The following TCF7L2 variants were observed in gnomAD, a reference collection of about 807,000 sequenced individuals.
TCF7L2 encodes transcription factor 7 like 2, also known as transcription factor 7-like 2.
A neutral mutation model predicts 77.9 loss-of-function variants in TCF7L2; 23 were observed. The ratio of observed to expected loss-of-function variants is 0.30; its 90% CI spans 0.21 to 0.42. The LOEUF (loss-of-function observed/expected upper bound fraction) is 0.42, where lower values mean the gene tolerates loss of function less well. Among genes scored for constraint, TCF7L2 ranks in the 10% least tolerant of loss-of-function variants. The pLI, the probability that TCF7L2 is intolerant of heterozygous loss-of-function variation, is 1.00. For synonymous variants in TCF7L2, 413 were observed against 340.2 expected, an observed-to-expected ratio of 1.21 and a Z score of -2.36; for missense variants, 654 against 793.1, an observed-to-expected ratio of 0.82 and a Z score of 2.11.
intron 5 of TCF7L2, chr10:113,089,577 T>A: frequency 6.2e-7 from 1 of 1,606,594 alleles, no homozygotes; most frequent in Non-Finnish European, 8.5e-7. Flanking sequence ...TGAGATGAGC[T>A]AGCTCTAAAA....
chr10:113,165,450 T>C, intron 13 of TCF7L2, 105 bp from the exon 15 acceptor site: 1 of 1,290,214 alleles, frequency 7.8e-7, no homozygotes, highest in Non-Finnish European at 1.1e-6. Flanking sequence ...GCCACCTCTG[T>C]GGGACATCCC....
intron 13 of TCF7L2, chr10:113,161,734 C>A: frequency 1.0e-6 from 1 of 963,052 alleles, no homozygotes; most frequent in Non-Finnish European, 1.6e-6. Flanking sequence ...CCATTACGTG[C>A]ATGCCCACGA....
chr10:113,129,746 G>T, intron 5 of TCF7L2: 1 of 1,248,862 alleles, frequency 8.0e-7, no homozygotes, highest in African/African-American at 1.6e-5. Flanking sequence ...GGGAAGCTGG[G>T]AGGAAAAAGA....
intron 5 of TCF7L2, among the ~76,000 whole-genome samples, chr10:113,112,803 A>G (rs2136125430): frequency 6.6e-6 from 1 of 152,262 alleles, no homozygotes. Flanking sequence ...GGCAAGCAAT[A>G]TTGTGTTTTA....
intron 5 of TCF7L2, among the ~76,000 whole-genome samples, chr10:113,066,734 A>G (rs1490938795): frequency 2.0e-5 from 3 of 152,192 alleles, no homozygotes; most frequent in Non-Finnish European, 4.4e-5. Flanking sequence ...GACCATACCA[A>G]TCACATTTTA....
At chr10:113,110,816 A>G (rs1449003623) in intron 5 of TCF7L2, among the ~76,000 whole-genome samples, 2 of 152,192 alleles carry the variant, frequency 1.3e-5, no homozygotes, top group Non-Finnish European at 2.9e-5. Context: ...TTCATGAGCA[A>G]TCCCTGAGTG....
intron 5 of TCF7L2, among the ~76,000 whole-genome samples, chr10:113,061,639 G>C (rs142603361): frequency 1.6e-4 from 24 of 152,152 alleles, no homozygotes; most frequent in African/African-American, 4.8e-4. Flanking sequence ...GTGTCACCTA[G>C]GAAATTTGCT....
intron 4 of TCF7L2, among the ~76,000 whole-genome samples, chr10:112,998,863 T>C (rs1398127652): frequency 6.6e-6 from 1 of 152,274 alleles, no homozygotes; most frequent in Non-Finnish European, 1.5e-5. Context: ...TTTGTATTTT[T>C]CTTGGTTATC....
At chr10:113,141,107 C>G (rs139519399) in intron 5 of TCF7L2, 77 bp from the exon 6 acceptor site, 1 of 1,575,166 alleles carries the variant, frequency 6.3e-7, no homozygotes, top group Non-Finnish European at 8.6e-7. Context: ...CCAAGGGAAC[C>G]CACGGGCCCG....
intron 8 of TCF7L2, among the ~76,000 whole-genome samples, chr10:113,150,092 A>ATTT (rs2070412302): frequency 6.6e-6 from 1 of 152,222 alleles, no homozygotes; most frequent in African/African-American, 2.4e-5. Flanking sequence ...ATGCCAATTC[A>ATTT]GGTCCTAAAA....
intron 7 of TCF7L2, among the ~76,000 whole-genome samples, 188 bp downstream of exon 7, chr10:113,144,213 G>A (rs2136943874): frequency 6.6e-6 from 1 of 152,112 alleles, no homozygotes; most frequent in African/African-American, 2.4e-5. Context: ...GAGGTGTCCT[G>A]TGGGAATACA....
intron 5 of TCF7L2, among the ~76,000 whole-genome samples, chr10:113,085,574 G>GC (rs1336768534): frequency 1.3e-5 from 2 of 152,172 alleles, no homozygotes; most frequent in Non-Finnish European, 2.9e-5. Flanking sequence ...GTGGAGTGGG[G>GC]CAGTAAGCTC....
intron 5 of TCF7L2, among the ~76,000 whole-genome samples, chr10:113,115,092 CAG>C: frequency 6.6e-6 from 1 of 152,124 alleles, no homozygotes; most frequent in Middle Eastern, 3.4e-3. Flanking sequence ...GGGTAATACA[CAG>C]ATTAAATGCA....
intron 4 of TCF7L2, among the ~76,000 whole-genome samples, chr10:112,976,699 C>T (rs2039483697): frequency 6.6e-6 from 1 of 152,164 alleles, no homozygotes; most frequent in Admixed American, 6.6e-5. Flanking sequence ...ATAACAGCCC[C>T]TTTTATAATA....
At chr10:113,160,126 G>A (rs2072901640) in intron 12 of TCF7L2, 134 bp downstream of exon 14, 3 of 754,586 alleles carry the variant, frequency 4.0e-6, no homozygotes, top group Non-Finnish European at 6.6e-6. Flanking sequence ...ACACTGCCAA[G>A]TGTATGGGTT....
intron 8 of TCF7L2, among the ~76,000 whole-genome samples, chr10:113,146,515 G>C (rs908242768): frequency 2.0e-5 from 3 of 152,004 alleles, no homozygotes; most frequent in Admixed American, 6.6e-5. Context: ...CAACAAGAAA[G>C]CATCCGCCTC....
chr10:113,089,563 G>T (rs146007799), intron 5 of TCF7L2: 1 of 1,611,686 alleles, frequency 6.2e-7, no homozygotes, highest in South Asian at 1.1e-5. Context: ...GCAGAATCAC[G>T]GTATGAGATG....
At chr10:112,966,557 G>A (rs952046639) in intron 4 of TCF7L2, among the ~76,000 whole-genome samples, 1 of 152,094 alleles carries the variant, frequency 6.6e-6, no homozygotes, top group African/African-American at 2.4e-5. Flanking sequence ...CTCGGGTAGT[G>A]CTGGAAAATC....
At chr10:113,103,232 G>A (rs533407627) in intron 5 of TCF7L2, among the ~76,000 whole-genome samples, 1 of 152,266 alleles carries the variant, frequency 6.6e-6, no homozygotes, top group Admixed American at 6.5e-5. Context: ...GTGGAAGTGG[G>A]CCCAGCTGTA....
Sources: gnomAD v4.1 joint callset for allele counts (sites outside exome capture counted in the v4.1 genomes callset) on GRCh38, gnomAD v4.1.1 for gene constraint, MANE v1.5 for transcripts, NCBI Gene and HGNC (gene_info 2026-07-23, HGNC 2026-07-21) for gene names.